The following BNC2 variants were observed in gnomAD, a reference collection of about 807,000 sequenced individuals.
BNC2 encodes the protein zinc finger protein basonuclin-2.
BNC2 carries 20 observed loss-of-function variants against 76.3 expected under a neutral mutation model. That is an observed-to-expected ratio of 0.26 (90% CI 0.18 to 0.38). The LOEUF (loss-of-function observed/expected upper bound fraction) is 0.38, where lower values mean the gene tolerates loss of function less well. Ranked by LOEUF, BNC2 falls within the 10% of genes least tolerant of loss-of-function variation. The probability of loss-of-function intolerance (pLI) is 1.00; values close to 1 mark genes in which losing one functional copy is unlikely to be tolerated. For missense variants in BNC2, 1,382 were observed against 1,399.8 expected, an observed-to-expected ratio of 0.99 and a Z score of 0.20; for synonymous variants, 582 against 514.8, an observed-to-expected ratio of 1.13 and a Z score of -1.77.
At chr9:16,711,387 C>T (rs1823843163) in intron 3 of BNC2, among the ~76,000 whole-genome samples, 1 of 152,092 alleles carries the variant, frequency 6.6e-6, no homozygotes, top group Non-Finnish European at 1.5e-5. Flanking sequence ...TATTAGACTG[C>T]ACTGCTCTAA....
At chr9:16,795,213 G>T (rs57542309) in intron 1 of BNC2, among the ~76,000 whole-genome samples, 1 of 151,880 alleles carries the variant, frequency 6.6e-6, no homozygotes, top group Admixed American at 6.6e-5. Context: ...CTTTAAAGCA[G>T]TGTAGGCGGA....
At chr9:16,606,860 C>T (rs1401098735) in intron 3 of BNC2, among the ~76,000 whole-genome samples, 2 of 152,268 alleles carry the variant, frequency 1.3e-5, no homozygotes, top group South Asian at 2.1e-4. Context: ...GCCTGGCCGG[C>T]GATCTGATGG....
At chr9:16,524,250 A>G (rs1817721483) in intron 5 of BNC2, among the ~76,000 whole-genome samples, 1 of 152,244 alleles carries the variant, frequency 6.6e-6, no homozygotes, top group African/African-American at 2.4e-5. Flanking sequence ...ATGAAACTGT[A>G]ATGAAGTACA....
At chr9:16,584,843 A>G (rs1025705883) in intron 3 of BNC2, among the ~76,000 whole-genome samples, 4 of 152,192 alleles carry the variant, frequency 2.6e-5, no homozygotes, top group African/African-American at 9.6e-5. Context: ...CTTAGAGGAC[A>G]GCATTTCCAC....
intron 3 of BNC2, among the ~76,000 whole-genome samples, chr9:16,690,462 T>TATACATACATAC (rs138085453): frequency 1.4e-3 from 205 of 151,718 alleles, no homozygotes; most frequent in East Asian, 7.5e-3. Flanking sequence ...GTCTCAAATA[T>TATACATACATAC]ATACATACAT....
chr9:16,767,508 T>C (rs1041966120), intron 1 of BNC2, among the ~76,000 whole-genome samples: 8 of 151,688 alleles, frequency 5.3e-5, no homozygotes, highest in Admixed American at 1.3e-4. Context: ...CGGAGATCAA[T>C]GCTGAGGACA....
In BNC2 at chr9:16,802,815, G is replaced by C. The variant is rs1418942788; in HGVS notation, c.4-64330C>G. On this transcript the variant is annotated intron_variant, in intron 1 of 6. Transcript: ENST00000380672. ...GACCAGAGAATGTTCTCTGGATTTG[G>C]AAATAGGCAAAGCAAGTATGATGTT... Among the ~76,000 whole-genome samples the C allele has an allele frequency of 2.0e-4, 30 of 152,178 alleles. 1 individual carries two copies. Among genetic ancestry groups the C allele is most frequent in the African/African-American group, 1.2e-4 (5 of 41,432 alleles).
At position 16,697,799 on chromosome 9, in the gene BNC2, CAGG is replaced by C. The variant is rs1157612776; in HGVS notation, c.330+29995_330+29997del. ...TCTTAGTTTAAAATTTACTAGGCTT[CAGG>C]AGTAGGAGCTGGTATGAGAAGCTCC... On this transcript the variant is annotated intron_variant, in intron 3 of 6. Transcript: ENST00000380672. Among the ~76,000 whole-genome samples the C allele has an allele frequency of 5.3e-4, 80 of 151,760 alleles. 1 individual carries two copies. In the East Asian group the frequency reaches 0.013, roughly 25 times the overall value.
At chr9:16,866,956 T>C (rs1428165513) in intron 1 of BNC2, among the ~76,000 whole-genome samples, 1 of 152,180 alleles carries the variant, frequency 6.6e-6, no homozygotes, top group African/African-American at 2.4e-5. Flanking sequence ...AATGAGACCA[T>C]CTGCTGAGTA....
intron 3 of BNC2, among the ~76,000 whole-genome samples, chr9:16,717,930 T>C (rs1824036931): frequency 2.6e-5 from 4 of 152,140 alleles, no homozygotes; most frequent in Admixed American, 2.6e-4. Context: ...AAAATAACTG[T>C]TTACACAAGT....
At chr9:16,620,143 T>C (rs775295787) in intron 3 of BNC2, among the ~76,000 whole-genome samples, 1 of 152,184 alleles carries the variant, frequency 6.6e-6, no homozygotes. Flanking sequence ...TCAATGAAGC[T>C]TGACGCCATT....
intron 5 of BNC2, among the ~76,000 whole-genome samples, chr9:16,449,667 A>T (rs906019306): frequency 1.3e-5 from 2 of 152,208 alleles, no homozygotes; most frequent in Non-Finnish European, 2.9e-5. Context: ...ATAAAAATAA[A>T]AAGGCTTTGG....
At chr9:16,543,630 G>A (rs1262003219) in intron 5 of BNC2, among the ~76,000 whole-genome samples, 2 of 152,148 alleles carry the variant, frequency 1.3e-5, no homozygotes, top group Non-Finnish European at 2.9e-5. Flanking sequence ...GTAAAGGGAG[G>A]AATATTTTCA....
intron 5 of BNC2, among the ~76,000 whole-genome samples, chr9:16,442,722 C>A (rs1821152662): frequency 6.6e-6 from 1 of 152,164 alleles, no homozygotes; most frequent in Admixed American, 6.5e-5. Flanking sequence ...AGGAAAACAA[C>A]TGCTTTCTTT....
intron 4 of BNC2, among the ~76,000 whole-genome samples, chr9:16,573,248 AAAAG>A (rs780087289): frequency 1.6e-3 from 242 of 152,068 alleles, no homozygotes; most frequent in Non-Finnish European, 2.5e-3. Flanking sequence ...CAGAAAAAGA[AAAAG>A]AAAGAAATAT....
At chr9:16,475,527 A>C (rs1471880113) in intron 5 of BNC2, among the ~76,000 whole-genome samples, 1 of 152,198 alleles carries the variant, frequency 6.6e-6, no homozygotes, top group Non-Finnish European at 1.5e-5. Flanking sequence ...CCACAATTTT[A>C]ATTTTGTTCT....
At chr9:16,808,194 G>C (rs973827427) in intron 1 of BNC2, among the ~76,000 whole-genome samples, 9 of 151,948 alleles carry the variant, frequency 5.9e-5, no homozygotes, top group African/African-American at 2.2e-4. Context: ...TTTAAACACA[G>C]GAAGAATAAA....
intron 4 of BNC2, among the ~76,000 whole-genome samples, chr9:16,562,888 A>C (rs992913401): frequency 7.2e-5 from 11 of 152,216 alleles, no homozygotes; most frequent in African/African-American, 2.4e-4. Context: ...AATTAAGTAA[A>C]GAGAAATAGC....
intron 5 of BNC2, among the ~76,000 whole-genome samples, chr9:16,521,329 T>A (rs2132074951): frequency 6.6e-6 from 1 of 152,266 alleles, no homozygotes; most frequent in African/African-American, 2.4e-5. Flanking sequence ...ACTGAAATCT[T>A]AAGTTAAATT....
Sources: gnomAD v4.1 joint callset for allele counts (sites outside exome capture counted in the v4.1 genomes callset) on GRCh38, gnomAD v4.1.1 for gene constraint, MANE v1.5 for transcripts, NCBI Gene and HGNC (gene_info 2026-07-23, HGNC 2026-07-21) for gene names.